Variants in PITPNB observed in about 807,000 individuals in gnomAD.
PITPNB encodes the protein phosphatidylinositol transfer protein beta isoform.
In PITPNB, 16 loss-of-function variants were observed where a neutral mutation model predicts 45.9. The observed-to-expected ratio is 0.35, with a 90% CI of 0.24 to 0.53. The LOEUF is 0.53. Ranked by LOEUF, PITPNB falls within the 20% of genes least tolerant of loss-of-function variation. PITPNB has a pLI of 0.93. For missense variants in PITPNB, 188 were observed against 330.5 expected, an observed-to-expected ratio of 0.57 and a Z score of 3.34; for synonymous variants, 112 against 108.9, an observed-to-expected ratio of 1.03 and a Z score of -0.18.
At chr22:27,894,675 G>T in intron 6 of PITPNB, 37 bp from the exon 7 acceptor site, 1 of 1,196,972 alleles carries the variant, frequency 8.4e-7, no homozygotes, top group Non-Finnish European at 1.2e-6. Flanking sequence ...AAAACAAACT[G>T]TAGATTATTC....
At chr22:27,902,014 A>G (rs188535744) in intron 3 of PITPNB, among the ~76,000 whole-genome samples, 299 of 152,226 alleles carry the variant, frequency 2.0e-3, no homozygotes, top group African/African-American at 6.1e-3. Flanking sequence ...GTGAGTACGC[A>G]GGGACGACTC....
chr22:27,912,435 TA>T (rs1434701938), intron 2 of PITPNB, among the ~76,000 whole-genome samples: 1 of 152,194 alleles, frequency 6.6e-6, no homozygotes, highest in Non-Finnish European at 1.5e-5. Context: ...CCACAATCCT[TA>T]AATACCTTCA....
intron 7 of PITPNB, among the ~76,000 whole-genome samples, chr22:27,888,979 G>GATC (rs1320539188): frequency 5.3e-5 from 8 of 152,224 alleles, no homozygotes; most frequent in Non-Finnish European, 1.0e-4. Flanking sequence ...CATTAGCTAA[G>GATC]TGATCATGAG....
In PITPNB at chr22:27,853,237, C is replaced by G. The variant is rs1934076495; in HGVS notation, c.*465G>C. 5.3e-6 allele frequency: 1 copy of G among 188,750 alleles called. No individual in the cohort carries two copies. Among genetic ancestry groups the G allele is most frequent in the African/African-American group, 2.3e-5 (1 of 42,992 alleles). The allele number at this position is 188,750 out of a possible 1,614,324, so 11.7% of individuals were successfully genotyped here. A position where few individuals can be genotyped will look rare whatever the true frequency, so the allele number is the denominator to read the frequency against. ...ATAATAAAAGGCTATATATGTTGGT[C>G]CACAGCTTGACATTTATGAAACATA... On this transcript the variant is annotated 3_prime_UTR_variant, in exon 12 of 12. Coordinates refer to ENST00000335272, the MANE Select transcript of PITPNB (RefSeq NM_012399.5).
chr22:27,876,844 T>G (rs1002463261), intron 7 of PITPNB, among the ~76,000 whole-genome samples: 1 of 152,246 alleles, frequency 6.6e-6, no homozygotes, highest in Admixed American at 6.5e-5. Context: ...GCTGGCTTTG[T>G]TAGTATTCTG....
chr22:27,913,005 G>GT (rs1555892476), intron 2 of PITPNB, among the ~76,000 whole-genome samples: 8 of 142,318 alleles, frequency 5.6e-5, no homozygotes, highest in Admixed American at 7.1e-5. Flanking sequence ...AAAAAAAAAG[G>GT]TGGGGGGGGG....
intron 2 of PITPNB, 112 bp downstream of exon 2, chr22:27,914,204 AC>A: frequency 1.4e-6 from 1 of 694,326 alleles, no homozygotes; most frequent in Non-Finnish European, 2.6e-6. Flanking sequence ...TAATTTTGTC[AC>A]ATAAGGTGGA....
chr22:27,868,460 C>A (rs1441426457), intron 8 of PITPNB, among the ~76,000 whole-genome samples: 1 of 152,192 alleles, frequency 6.6e-6, no homozygotes, highest in Admixed American at 6.5e-5. Context: ...AGAAAGAAAT[C>A]TTGGTAGCAT....
chr22:27,876,448 G>A (rs942604004), intron 7 of PITPNB, among the ~76,000 whole-genome samples: 3 of 152,158 alleles, frequency 2.0e-5, no homozygotes, highest in Non-Finnish European at 4.4e-5. Flanking sequence ...ATTAACAATA[G>A]CACTTTAACC....
intron 7 of PITPNB, among the ~76,000 whole-genome samples, chr22:27,893,994 G>A (rs912944185): frequency 2.0e-5 from 3 of 152,078 alleles, no homozygotes; most frequent in Non-Finnish European, 2.9e-5. Flanking sequence ...TTTTTATTAA[G>A]TCAAAAGCCA....
chr22:27,896,462 TGACATTACTTTGA>T, intron 6 of PITPNB, 77 bp downstream of exon 6: 1 of 870,318 alleles, frequency 1.1e-6, no homozygotes, highest in Non-Finnish European at 1.9e-6. Context: ...GATACACAGG[TGACATTACTTTGA>T]TGATGACAAA....
intron 7 of PITPNB, among the ~76,000 whole-genome samples, chr22:27,885,212 T>TTAAAAAAAAAAAA (rs1569019261): frequency 6.6e-5 from 2 of 30,190 alleles, no homozygotes; most frequent in African/African-American, 1.1e-4. Flanking sequence ...AATTTATACC[T>TTAAAAAAAAAAAA]AAAAAAAAAA....
At chr22:27,914,214 G>T in intron 2 of PITPNB, 103 bp downstream of exon 2, 1 of 732,714 alleles carries the variant, frequency 1.4e-6, no homozygotes, top group Non-Finnish European at 2.5e-6. Context: ...ACATAAGGTG[G>T]AATGAAAAGG....
chr22:27,852,666 T>C lies in PITPNB; in HGVS notation c.*1036A>G, dbSNP rs1934053387. 1 of 152,402 alleles carries C rather than the reference T, an allele frequency of 6.6e-6. No homozygotes were observed. The highest frequency in any genetic ancestry group is 1.5e-5 in the Non-Finnish European group (1 of 68,048). 9.4% of individuals were successfully genotyped at this position (152,402 alleles called of 1,614,324 possible). On this transcript the variant is annotated 3_prime_UTR_variant, in exon 12 of 12. Coordinates refer to ENST00000335272, the MANE Select transcript of PITPNB (RefSeq NM_012399.5). ...AAGAGCAAAATGTCATCACTAACTATATCCTATCATGTGAGCTCTGAGGAA... is the reference window on the plus strand; with the variant it reads ...AAGAGCAAAATGTCATCACTAACTACATCCTATCATGTGAGCTCTGAGGAA...
chr22:27,884,878 A>C (rs978272900), intron 7 of PITPNB, among the ~76,000 whole-genome samples: 17 of 152,172 alleles, frequency 1.1e-4, no homozygotes, highest in African/African-American at 4.1e-4. Context: ...ATTTTGGATT[A>C]AACATTGTTT....
At chr22:27,904,210 C>G (rs1935693512) in intron 3 of PITPNB, among the ~76,000 whole-genome samples, 1 of 152,186 alleles carries the variant, frequency 6.6e-6, no homozygotes, top group African/African-American at 2.4e-5. Flanking sequence ...TTACTTGTAA[C>G]AGCCAAAAGT....
rs150793159 is a variant in PITPNB, at chr22:27,906,397, T to C, written c.197+4567A>G. On this transcript the variant is annotated intron_variant, in intron 3 of 11. Transcript: ENST00000335272. The stretch of plus-strand genomic sequence containing the variant: ...AGAGAAAGTAAGAGATGGTGAAACC[T>C]GTGGTTTTGGAAGAATTTTTCTCTA... Among the ~76,000 whole-genome samples the C allele has an allele frequency of 6.4e-4, 97 of 152,348 alleles. No homozygotes were observed. In the East Asian group the frequency reaches 0.015, roughly 24 times the overall value.
intron 3 of PITPNB, among the ~76,000 whole-genome samples, chr22:27,907,414 T>C (rs953810959): frequency 6.6e-6 from 1 of 152,198 alleles, no homozygotes; most frequent in African/African-American, 2.4e-5. Flanking sequence ...AAATTTGTCA[T>C]TGTGGACATC....
At chr22:27,865,117 A>G (rs1482777122) in intron 8 of PITPNB, among the ~76,000 whole-genome samples, 1 of 152,162 alleles carries the variant, frequency 6.6e-6, no homozygotes, top group Non-Finnish European at 1.5e-5. Flanking sequence ...GACTACAACT[A>G]ATTTTTTTCT....
Sources: gnomAD v4.1 joint callset for allele counts (sites outside exome capture counted in the v4.1 genomes callset) on GRCh38, gnomAD v4.1.1 for gene constraint, MANE v1.5 for transcripts, NCBI Gene and HGNC (gene_info 2026-07-23, HGNC 2026-07-21) for gene names.